TRIP12: variants seen among roughly 807,000 people sequenced by gnomAD.
The protein encoded by TRIP12 is thyroid hormone receptor interactor 12.
In TRIP12, 25 loss-of-function variants were observed where a neutral mutation model predicts 244.2. The observed-to-expected ratio is 0.10, with a 90% CI of 0.07 to 0.14. TRIP12 has a LOEUF of 0.14. TRIP12 is among the 10% of genes least tolerant of loss of function. The pLI, the probability that TRIP12 is intolerant of heterozygous loss-of-function variation, is 1.00. For synonymous variants in TRIP12, 905 were observed against 873.1 expected (o/e 1.04, Z -0.64); for missense variants, 1,677 against 2,486.4 (o/e 0.67, Z 6.92).
At position 229,905,857 on chromosome 2, in the gene TRIP12, G is replaced by A. The variant is rs866440375; in HGVS notation, c.-50+16023C>T. Among the ~76,000 whole-genome samples, 43 of 152,166 alleles carry A rather than the reference G, an allele frequency of 2.8e-4. 1 individual carries two copies. The highest frequency in any genetic ancestry group is 7.3e-5 in the Non-Finnish European group (5 of 68,034). ...GTTCTATAAAAAGCAGGCCATTTAG[G>A]AGTATCCAATAGCCAATGAGGGCCT... On this transcript the variant is annotated intron_variant, in intron 1 of 41. Coordinates refer to ENST00000675903, the MANE Select transcript of TRIP12 (RefSeq NM_001348323.3).
chr2:229,800,475 A>G (rs184177061), intron 21 of TRIP12, among the ~76,000 whole-genome samples: 73 of 152,286 alleles, frequency 4.8e-4, no homozygotes, highest in Middle Eastern at 3.4e-3. Context: ...AAAAATTGGA[A>G]AATTTCCAAC....
intron 8 of TRIP12, among the ~76,000 whole-genome samples, chr2:229,822,456 G>C (rs1284542684): frequency 6.6e-6 from 1 of 152,226 alleles, no homozygotes; most frequent in Non-Finnish European, 1.5e-5. Flanking sequence ...AAAGAAAACA[G>C]TGACTAGCAA....
chr2:229,910,592 C>CA (rs918963413), intron 1 of TRIP12, among the ~76,000 whole-genome samples: 6 of 152,084 alleles, frequency 3.9e-5, no homozygotes, highest in African/African-American at 1.4e-4. Flanking sequence ...TCTGTAATGA[C>CA]AAGATACCTG....
intron 5 of TRIP12, among the ~76,000 whole-genome samples, chr2:229,838,226 C>T (rs2055351614): frequency 6.6e-6 from 1 of 152,174 alleles, no homozygotes; most frequent in Non-Finnish European, 1.5e-5. Context: ...CACAAGGAAA[C>T]AGCTCATTCC....
intron 1 of TRIP12, among the ~76,000 whole-genome samples, chr2:229,881,883 C>T (rs2064957110): frequency 6.6e-6 from 1 of 152,132 alleles, no homozygotes; most frequent in Non-Finnish European, 1.5e-5. Flanking sequence ...TGAGAAAGGA[C>T]TGGGGGATCC....
Position 229,791,173 on chromosome 2 carries a change from T to C in TRIP12, c.4494A>G (p.Pro1498=). Residue 1498 remains proline, a synonymous_variant, in exon 30 of 42, where the codon CCA becomes CCG. Transcript: ENST00000675903. ...GGKRGRAQTA[P]TKTSPRNAKK... ...TTGCATTTCTAGGGGAAGTTTTCGT[T>C]GGAGCTGTTTGGGCTCTTCCTCTTT... 6.2e-7 allele frequency: 1 copy of C among 1,614,162 alleles called. No individual in the cohort carries two copies. The highest frequency in any genetic ancestry group is 8.5e-7 in the Non-Finnish European group (1 of 1,179,994).
Position 229,858,814 on chromosome 2 carries a change from T to A in TRIP12, c.985A>T (p.Thr329Ser), listed in dbSNP as rs141409180. 4.0e-5 allele frequency: 65 copies of A among 1,607,110 alleles called. No individual in the cohort carries two copies. The highest frequency in any genetic ancestry group is 1.7e-4 in the Middle Eastern group (1 of 6,058). ...LSLPGSSKSE[T>S]SKPGPSGLQA... is the part of the protein sequence containing the mutation. ...AATCCAGAAGGTCCAGGTTTTGATG[T>A]CTCTGACTTAGAAGACCCTGGAAGA... The change falls in exon 4 of 42, where the codon ACA becomes TCA. Residue 329 changes from threonine (T) to serine (S), a missense_variant. By Grantham distance (58) the Thr-to-Ser change is moderately conservative. This residue lies in a region of TRIP12 where 387 missense variants were observed against 392.6 expected (regional missense o/e 0.99). Coordinates refer to ENST00000675903, the MANE Select transcript of TRIP12 (RefSeq NM_001348323.3).
At chr2:229,820,651 C>T (rs370430677) in intron 8 of TRIP12, among the ~76,000 whole-genome samples, 2 of 152,008 alleles carry the variant, frequency 1.3e-5, no homozygotes, top group Non-Finnish European at 2.9e-5. Context: ...ACAAGTGGTG[C>T]GGTCTCAGCT....
intron 1 of TRIP12, among the ~76,000 whole-genome samples, chr2:229,912,258 A>G (rs2074428319): frequency 6.6e-6 from 1 of 152,234 alleles, no homozygotes; most frequent in Non-Finnish European, 1.5e-5. Context: ...AAAAACTTTT[A>G]TATGTAGTAT....
At chr2:229,843,906 G>A (rs902954918) in intron 4 of TRIP12, among the ~76,000 whole-genome samples, 1 of 151,574 alleles carries the variant, frequency 6.6e-6, no homozygotes, top group Non-Finnish European at 1.5e-5. Context: ...AAGGAAGGGA[G>A]GGGAGAAGAA....
intron 27 of TRIP12, 33 bp from the exon 28 acceptor site, chr2:229,792,259 C>T (rs368743327): frequency 3.1e-5 from 49 of 1,593,328 alleles, no homozygotes; most frequent in Middle Eastern, 1.7e-4. Flanking sequence ...AAACTCTTAG[C>T]GATTTTAGGT....
At chr2:229,819,076 ACACACACAC>A (rs1199249224) in intron 8 of TRIP12, among the ~76,000 whole-genome samples, 142 of 147,900 alleles carry the variant, frequency 9.6e-4, no homozygotes, top group East Asian at 1.2e-3. Flanking sequence ...ACACACACAC[ACACACACAC>A]AATTATAAAC....
intron 1 of TRIP12, among the ~76,000 whole-genome samples, chr2:229,886,852 G>C (rs949242470): frequency 1.3e-5 from 2 of 152,190 alleles, no homozygotes; most frequent in Admixed American, 1.3e-4. Flanking sequence ...GAACAGTAAA[G>C]TATGGGTTAC....
At chr2:229,801,404 A>T (rs2044306246) in intron 21 of TRIP12, among the ~76,000 whole-genome samples, 1 of 152,196 alleles carries the variant, frequency 6.6e-6, no homozygotes, top group South Asian at 2.1e-4. Flanking sequence ...TGCCTGCACA[A>T]GACAATGCTA....
chr2:229,864,047 A>AGAGAGAGAGAGAGTGAGT, intron 2 of TRIP12, among the ~76,000 whole-genome samples: 28 of 79,302 alleles, frequency 3.5e-4, no homozygotes, highest in Non-Finnish European at 4.8e-4. Context: ...AGAGAGAGAG[A>AGAGAGAGAGAGAGTGAGT]GTGTGTGTGT....
chr2:229,820,108 A>C (rs2049635520), intron 8 of TRIP12, among the ~76,000 whole-genome samples: 1 of 152,212 alleles, frequency 6.6e-6, no homozygotes, highest in Admixed American at 6.5e-5. Context: ...AAAATGATAG[A>C]AAAATAGTGA....
At chr2:229,781,544 C>T (rs138117081) in intron 34 of TRIP12, among the ~76,000 whole-genome samples, 4 of 152,330 alleles carry the variant, frequency 2.6e-5, no homozygotes, top group African/African-American at 9.6e-5. Context: ...CTCCACATTC[C>T]CTGCTCCTGA....
chr2:229,862,854 G>C (rs979653303), intron 2 of TRIP12, among the ~76,000 whole-genome samples: 1 of 152,162 alleles, frequency 6.6e-6, no homozygotes, highest in Admixed American at 6.5e-5. Context: ...AACTTAGCAT[G>C]TAAACTCTCT....
chr2:229,802,581 G>T, intron 20 of TRIP12, 122 bp from the exon 21 acceptor site: 1 of 616,444 alleles, frequency 1.6e-6, no homozygotes, highest in Non-Finnish European at 2.5e-6. Flanking sequence ...AAACATAACT[G>T]GCAAATAGGT....
Sources: gnomAD v4.1 joint callset for allele counts (sites outside exome capture counted in the v4.1 genomes callset) on GRCh38, gnomAD v4.1.1 for gene constraint, gnomAD v4.1.1 regional missense constraint, MANE v1.5 for transcripts, NCBI Gene and HGNC (gene_info 2026-07-23, HGNC 2026-07-21) for gene names.